The following LRRFIP1 variants were observed in gnomAD, a reference collection of about 807,000 sequenced individuals.
The protein encoded by LRRFIP1 is leucine-rich repeat flightless-interacting protein 1.
Under a neutral mutation model 104.4 loss-of-function variants are expected in LRRFIP1, and 62 were observed. The ratio of observed to expected loss-of-function variants is 0.59; its 90% CI spans 0.48 to 0.73. The LOEUF is 0.73. Ranked by LOEUF, LRRFIP1 falls within the 30% of genes least tolerant of loss-of-function variation. The probability of loss-of-function intolerance (pLI) is 0.00; values close to 1 mark genes in which losing one functional copy is unlikely to be tolerated. For synonymous variants in LRRFIP1, 300 were observed against 299.0 expected (o/e 1.00, Z -0.03); for missense variants, 796 against 824.5 (o/e 0.97, Z 0.42).
chr2:237,726,489 T>C (rs113468407), intron 7 of LRRFIP1, among the ~76,000 whole-genome samples: 2,019 of 152,360 alleles, frequency 0.013, 26 homozygotes, highest in African/African-American at 0.044. Flanking sequence ...CCCAGTCAGC[T>C]GGTGATTCAT....
At chr2:237,638,111 A>G (rs1161201334) in intron 1 of LRRFIP1, among the ~76,000 whole-genome samples, 1 of 152,156 alleles carries the variant, frequency 6.6e-6, no homozygotes, top group African/African-American at 2.4e-5. Flanking sequence ...CTTTGTTTCT[A>G]TTATTGTTAC....
chr2:237,702,863 G>C (rs910044935), intron 1 of LRRFIP1, among the ~76,000 whole-genome samples: 1 of 152,124 alleles, frequency 6.6e-6, no homozygotes, highest in Non-Finnish European at 1.5e-5. Context: ...CCACTACCCA[G>C]CCTCAACAAT....
At chr2:237,639,067 C>T (rs974744494) in intron 1 of LRRFIP1, among the ~76,000 whole-genome samples, 5 of 152,212 alleles carry the variant, frequency 3.3e-5, no homozygotes, top group African/African-American at 1.2e-4. Flanking sequence ...CTAGAGCCCA[C>T]AGGCTGCAGG....
At chr2:237,729,306 C>T (rs1029613677) in intron 8 of LRRFIP1, among the ~76,000 whole-genome samples, 6 of 152,236 alleles carry the variant, frequency 3.9e-5, no homozygotes, top group African/African-American at 1.2e-4. Flanking sequence ...GATAAGGGCT[C>T]TCCAGTGGAC....
At chr2:237,710,921 C>T (rs543855087) in intron 2 of LRRFIP1, among the ~76,000 whole-genome samples, 4 of 152,168 alleles carry the variant, frequency 2.6e-5, no homozygotes, top group Admixed American at 2.0e-4. Context: ...ATAAGCCAGG[C>T]GTGGTGGCAT....
Position 237,703,450 on chromosome 2 carries a change from C to T in LRRFIP1, c.97-5094C>T, listed in dbSNP as rs994452357. Among the ~76,000 whole-genome samples the T allele has an allele frequency of 6.6e-6, 1 of 152,186 alleles. No homozygotes were observed. Among genetic ancestry groups the T allele is most frequent in the African/African-American group, 2.4e-5 (1 of 41,444 alleles). The stretch of plus-strand genomic sequence containing the variant: ...TCAGATTCCGCTGTGTTCTTAAAAC[C>T]CTTCAGTGGTTCTGAATTCTTTCAA... On this transcript the variant is annotated intron_variant, in intron 1 of 23. Coordinates refer to ENST00000308482, the MANE Select transcript of LRRFIP1 (RefSeq NM_001137550.2). The surrounding 1 kb of genome is among the most constrained non-coding windows in gnomAD (Gnocchi z 4.3).
rs1415939960 is a variant in LRRFIP1, at chr2:237,696,034, A to AT, written c.97-12506dup. Among the ~76,000 whole-genome samples the AT allele has an allele frequency of 9.2e-5, 14 of 152,298 alleles. 1 individual carries two copies. Among genetic ancestry groups the AT allele is most frequent in the Admixed American group, 9.2e-4 (14 of 15,288 alleles). On this transcript the variant is annotated intron_variant, in intron 1 of 23. Coordinates refer to ENST00000308482, the MANE Select transcript of LRRFIP1 (RefSeq NM_001137550.2). Reference sequence around the variant, plus strand: ...TATGTATTCCGAGACTCATTCATTCATTTTGGAAAGGGCCAGTGTTTCCAG... The same window carrying AT: ...TATGTATTCCGAGACTCATTCATTCATTTTTGGAAAGGGCCAGTGTTTCCAG...
intron 1 of LRRFIP1, among the ~76,000 whole-genome samples, chr2:237,688,956 C>G (rs2092587995): frequency 6.6e-6 from 1 of 150,498 alleles, no homozygotes; most frequent in Admixed American, 6.6e-5. Flanking sequence ...AGAGCCACAC[C>G]CACACCCTGA....
chr2:237,758,219 TAGG>T lies in LRRFIP1; in HGVS notation c.1225-507_1225-505del, dbSNP rs774408359. Among the ~76,000 whole-genome samples, 19 of 148,118 alleles carry T rather than the reference TAGG, an allele frequency of 1.3e-4. 1 individual carries two copies. In the South Asian group the frequency reaches 1.7e-3, roughly 13 times the overall value. On this transcript the variant is annotated intron_variant, in intron 17 of 23. Transcript: ENST00000308482. ...TTCCACTGTCACGCTCATCAGCACT[TAGG>T]AGTGTGTGTGTGTGTGTGTGTGTCT...
At chr2:237,709,670 T>C (rs2093978306) in intron 2 of LRRFIP1, among the ~76,000 whole-genome samples, 1 of 152,170 alleles carries the variant, frequency 6.6e-6, no homozygotes, top group Non-Finnish European at 1.5e-5. Flanking sequence ...TCTAATGTGC[T>C]CATTGCCCTC....
At chr2:237,670,208 C>T (rs550553732) in intron 1 of LRRFIP1, among the ~76,000 whole-genome samples, 8 of 151,662 alleles carry the variant, frequency 5.3e-5, no homozygotes, top group Admixed American at 1.3e-4. Context: ...AAAGCAGTGT[C>T]GATCAACAGG....
intron 19 of LRRFIP1, chr2:237,768,315 A>G (rs2060366334): frequency 6.6e-6 from 1 of 152,184 alleles, no homozygotes; most frequent in African/African-American, 2.4e-5. Context: ...GATTACCTAT[A>G]TCAATTTTGC....
At position 237,711,859 on chromosome 2, in the gene LRRFIP1, C is replaced by T. The variant is rs901322544; in HGVS notation, c.184-2400C>T. Among the ~76,000 whole-genome samples the T allele has an allele frequency of 4.6e-5, 7 of 152,156 alleles. No homozygotes were observed. Among genetic ancestry groups the T allele is most frequent in the Non-Finnish European group, 8.8e-5 (6 of 68,034 alleles). ...GCAGACAGGAAGCTGCCCTGGGAGA[C>T]GAGAGCCAGACGAGGAAGGGCCAGC... On this transcript the variant is annotated intron_variant, in intron 2 of 23. Transcript: ENST00000308482. The surrounding 1 kb of genome is among the most constrained non-coding windows in gnomAD (Gnocchi z 4.4).
intron 21 of LRRFIP1, 41 bp downstream of exon 21, chr2:237,772,239 G>A (rs199827644): frequency 2.7e-6 from 4 of 1,490,996 alleles, no homozygotes; most frequent in South Asian, 2.3e-5. Context: ...GCTTTCACAT[G>A]TGCTGTTTTA....
intron 1 of LRRFIP1, among the ~76,000 whole-genome samples, chr2:237,638,926 G>T (rs902365947): frequency 6.6e-6 from 1 of 152,246 alleles, no homozygotes; most frequent in Non-Finnish European, 1.5e-5. Flanking sequence ...CCTTTGTGGG[G>T]CTGTGGCCTC....
chr2:237,762,149 T>G (rs3769053), intron 19 of LRRFIP1, among the ~76,000 whole-genome samples: 1 of 152,098 alleles, frequency 6.6e-6, no homozygotes, highest in Non-Finnish European at 1.5e-5. Context: ...AAAAATTACT[T>G]GAAAGCTGCT....
At chr2:237,659,532 C>G (rs1040697152) in intron 1 of LRRFIP1, among the ~76,000 whole-genome samples, 16 of 149,910 alleles carry the variant, frequency 1.1e-4, no homozygotes, top group African/African-American at 3.9e-4. Context: ...CACAAAACAA[C>G]AAGAAGAAAT....
chr2:237,718,562 G>A (rs950065150), intron 4 of LRRFIP1, among the ~76,000 whole-genome samples: 4 of 152,228 alleles, frequency 2.6e-5, no homozygotes, highest in Admixed American at 2.0e-4. Context: ...GAGTGGCCTG[G>A]CCCTTCTCGT....
chr2:237,743,770 G>A (rs1020842265), intron 11 of LRRFIP1, among the ~76,000 whole-genome samples: 1 of 152,112 alleles, frequency 6.6e-6, no homozygotes, highest in African/African-American at 2.4e-5. Context: ...GTGAGGGGAG[G>A]CAAAGGTGCC....
Sources: allele counts gnomAD v4.1 joint callset (sites outside exome capture counted in the v4.1 genomes callset), GRCh38; gene constraint gnomAD v4.1.1; non-coding constraint Gnocchi (gnomAD v3.1); transcripts MANE v1.5; gene names NCBI Gene and HGNC (gene_info 2026-07-23, HGNC 2026-07-21).